SLC6A16: variants seen among roughly 807,000 people sequenced by gnomAD.
SLC6A16 encodes solute carrier family 6 member 16.
SLC6A16 carries 54 observed loss-of-function variants against 65.4 expected under a neutral mutation model. That is an observed-to-expected ratio of 0.83 (90% CI 0.66 to 1.04). The LOEUF (loss-of-function observed/expected upper bound fraction) is 1.04. Among genes scored for constraint, SLC6A16 ranks in the 50% least tolerant of loss-of-function variants. SLC6A16 has a pLI of 0.00. For synonymous variants in SLC6A16, 330 were observed against 346.5 expected (o/e 0.95, Z 0.53); for missense variants, 816 against 914.0 (o/e 0.89, Z 1.38).
chr19:49,338,915 A>G, the SLC6A16 span: 1 of 1,613,764 alleles, frequency 6.2e-7, no homozygotes, highest in Non-Finnish European at 8.5e-7. The surrounding 1 kb of genome is among the most constrained non-coding windows in gnomAD (Gnocchi z 5.0). Flanking sequence ...CTGTCCCTGC[A>G]GAGAGCCACA....
At chr19:49,312,745 G>A (rs1363963974) in intron 1 of SLC6A16, 2 of 160,540 alleles carry the variant, frequency 1.2e-5, no homozygotes, top group African/African-American at 4.8e-5. Flanking sequence ...ACATTTGGGT[G>A]ACATGGATAA....
At chr19:49,297,276 T>C (rs936119545) in intron 7 of SLC6A16, among the ~76,000 whole-genome samples, 17 of 152,164 alleles carry the variant, frequency 1.1e-4, no homozygotes, top group African/African-American at 3.9e-4. Flanking sequence ...CTTGAAAAGA[T>C]ACTTTACAAG....
At chr19:49,295,980 G>A (rs914821754) in intron 7 of SLC6A16, among the ~76,000 whole-genome samples, 1 of 152,008 alleles carries the variant, frequency 6.6e-6, no homozygotes, top group African/African-American at 2.4e-5. Flanking sequence ...ACCATAGCAG[G>A]CTTTTTATTT....
intron 7 of SLC6A16, among the ~76,000 whole-genome samples, chr19:49,300,724 T>C (rs984084051): frequency 1.4e-4 from 22 of 152,094 alleles, no homozygotes; most frequent in African/African-American, 4.8e-4. Flanking sequence ...CCTTTCTCTA[T>C]AAAGAGCAAC....
intron 7 of SLC6A16, among the ~76,000 whole-genome samples, chr19:49,297,162 T>C (rs975162814): frequency 1.3e-5 from 2 of 152,130 alleles, no homozygotes; most frequent in African/African-American, 4.8e-5. Context: ...ATCCACAATA[T>C]GTACAACTGA....
At chr19:49,308,766 C>G in intron 7 of SLC6A16, 110 bp downstream of exon 7, 1 of 1,396,108 alleles carries the variant, frequency 7.2e-7, no homozygotes, top group Non-Finnish European at 9.8e-7. Flanking sequence ...TGCAAGTGCA[C>G]CCAAGGTTGA....
chr19:49,293,511 T>C, intron 9 of SLC6A16, 129 bp from the exon 10 acceptor site: 1 of 850,288 alleles, frequency 1.2e-6, no homozygotes, highest in Non-Finnish European at 1.8e-6. Flanking sequence ...ACATGTGTAA[T>C]CCAAGCATTT....
chr19:49,307,064 T>G (rs924117808), intron 7 of SLC6A16, among the ~76,000 whole-genome samples: 28 of 141,760 alleles, frequency 2.0e-4, no homozygotes, highest in East Asian at 1.0e-3. Context: ...TTTTTTTTTT[T>G]TTGTTAGAGG....
the SLC6A16 span, chr19:49,331,469 A>G: frequency 3.7e-6 from 1 of 266,808 alleles, no homozygotes; most frequent in African/African-American, 2.2e-5. Context: ...GGCATGAGCC[A>G]CCTCACCTGG....
chr19:49,330,451 G>C, the SLC6A16 span, among the ~76,000 whole-genome samples: 1 of 152,036 alleles, frequency 6.6e-6, no homozygotes, highest in African/African-American at 2.4e-5. Flanking sequence ...AGCTAGAAAG[G>C]GCTAGGACTC....
intron 7 of SLC6A16, among the ~76,000 whole-genome samples, chr19:49,305,309 C>T (rs1038407366): frequency 6.6e-6 from 1 of 151,892 alleles, no homozygotes; most frequent in Admixed American, 6.6e-5. Flanking sequence ...AGAGCAGTGC[C>T]GGCTGGGTGT....
chr19:49,327,237 G>A (rs764344175), upstream of SLC6A16, among the ~76,000 whole-genome samples: 3 of 152,000 alleles, frequency 2.0e-5, no homozygotes, highest in Non-Finnish European at 4.4e-5. Flanking sequence ...ATTACGCCTG[G>A]TTAATTTTCA....
chr19:49,299,461 C>T (rs1367309466), intron 7 of SLC6A16, among the ~76,000 whole-genome samples: 1 of 144,724 alleles, frequency 6.9e-6, no homozygotes, highest in Admixed American at 7.0e-5. Context: ...GGCTGAGGCA[C>T]AAGAATTGCT....
intron 5 of SLC6A16, 89 bp from the exon 6 acceptor site, chr19:49,309,500 G>A (rs1970466454): frequency 7.7e-7 from 1 of 1,293,284 alleles, no homozygotes. Context: ...AGTCAGAAAT[G>A]AGTAGGAGTT....
the SLC6A16 span, chr19:49,339,929 C>A: frequency 1.5e-6 from 2 of 1,368,560 alleles, no homozygotes; most frequent in Non-Finnish European, 1.9e-6. This position sits in a 1 kb window ranked among gnomAD's most constrained non-coding sequence, Gnocchi z 4.5. Flanking sequence ...ACTGGAAGTG[C>A]GGGCGCAGAA....
chr19:49,326,239 T>TC (rs1329909156), upstream of SLC6A16, among the ~76,000 whole-genome samples: 2 of 151,984 alleles, frequency 1.3e-5, no homozygotes, highest in African/African-American at 4.8e-5. Context: ...TTTGCAAATC[T>TC]CTCTAATGTC....
chr19:49,339,286 G>A, the SLC6A16 span: 1 of 1,543,980 alleles, frequency 6.5e-7, no homozygotes, highest in Non-Finnish European at 8.9e-7. The surrounding 1 kb of genome is among the most constrained non-coding windows in gnomAD (Gnocchi z 4.5). Flanking sequence ...CTGGGCTTGA[G>A]AGTCCCAGAA....
At chr19:49,321,130 C>A (rs747217285) in intron 1 of SLC6A16, among the ~76,000 whole-genome samples, 1 of 152,018 alleles carries the variant, frequency 6.6e-6, no homozygotes, top group Non-Finnish European at 1.5e-5. Context: ...ACTACCAAAC[C>A]TAATTCAGCA....
rs1970451505 is a variant in SLC6A16, at chr19:49,309,027, A to G, written c.1078T>C (p.Leu360=). Residue 360 remains leucine (L), a synonymous_variant, in exon 7 of 12, where the codon TTA becomes CTA. Coordinates refer to ENST00000335875, the MANE Select transcript of SLC6A16 (RefSeq NM_014037.3). The part of the protein sequence containing the change: ...TGIGLGSVAS[L]ASYMPQSNNC... ...TTGGACTGGGGCATGTAGGAGGCTA[A>G]GGAGGCAACGGAGCCAAGGCCTATG... 3 of 1,614,240 alleles carry G rather than the reference A, an allele frequency of 1.9e-6. No individual in the cohort carries two copies. In the East Asian group the frequency reaches 6.7e-5, roughly 36 times the overall value.
Sources: allele counts gnomAD v4.1 joint callset (sites outside exome capture counted in the v4.1 genomes callset), GRCh38; gene constraint gnomAD v4.1.1; non-coding constraint Gnocchi (gnomAD v3.1); transcripts MANE v1.5; gene names NCBI Gene and HGNC (gene_info 2026-07-23, HGNC 2026-07-21).